Variants in NT5C2 observed in about 807,000 individuals in gnomAD.
NT5C2 encodes 5'-nucleotidase, cytosolic II.
In NT5C2, 58 loss-of-function variants were observed where a neutral mutation model predicts 76.1. That is an observed-to-expected ratio of 0.76 (90% confidence interval 0.62 to 0.95). NT5C2 has a LOEUF of 0.95. Ranked by LOEUF, NT5C2 falls within the 40% of genes least tolerant of loss-of-function variation. The pLI is 0.00. For missense variants in NT5C2, 478 were observed against 690.3 expected (o/e 0.69, Z 3.45); for synonymous variants, 229 against 237.4 (o/e 0.96, Z 0.32).
At chr10:103,096,131 G>A in intron 11 of NT5C2, 151 bp from the exon 12 acceptor site, 3 of 621,016 alleles carry the variant, frequency 4.8e-6, no homozygotes, top group Non-Finnish European at 8.5e-6. Context: ...AATCATGGCA[G>A]TGGAAGCCAG....
chr10:103,094,789 C>T (rs978448022), intron 12 of NT5C2, among the ~76,000 whole-genome samples: 1 of 150,036 alleles, frequency 6.7e-6, no homozygotes, highest in Admixed American at 6.7e-5. Flanking sequence ...GGCTGAGGCT[C>T]GAGAATCGCT....
rs531291891 is a variant in NT5C2, at chr10:103,099,956, T to C, written c.603A>G (p.Val201=). The C allele has an allele frequency of 6.2e-7, 1 of 1,612,734 alleles. No individual in the cohort carries two copies. The highest frequency in any genetic ancestry group is 8.5e-7 in the Non-Finnish European group (1 of 1,178,896). ...FMSYRSMFQD[V]RDAVDWVHYK... is the part of the protein sequence containing the mutation. ...AATGAACCCAGTCAACAGCATCTCT[T>C]ACATCCTGGAACATACTCCGGTAGG... Residue 201 remains valine, a synonymous_variant, in exon 9 of 19, where the codon GTA becomes GTG. Transcript: ENST00000404739.
chr10:103,182,082 C>T (rs933130258), intron 1 of NT5C2, among the ~76,000 whole-genome samples: 5 of 151,866 alleles, frequency 3.3e-5, no homozygotes, highest in African/African-American at 4.8e-5. Context: ...CAAAATGCCA[C>T]GCTGCTAGAG....
At chr10:103,137,584 C>G (rs1309691020) in intron 4 of NT5C2, among the ~76,000 whole-genome samples, 1 of 152,132 alleles carries the variant, frequency 6.6e-6, no homozygotes, top group Non-Finnish European at 1.5e-5. Flanking sequence ...CAAATTAATA[C>G]TGTTATATTA....
At chr10:103,151,255 G>A (rs557348308) in intron 3 of NT5C2, among the ~76,000 whole-genome samples, 18 of 152,000 alleles carry the variant, frequency 1.2e-4, no homozygotes, top group South Asian at 8.3e-4. Flanking sequence ...ATCTGAGGTC[G>A]GGAGTTCGAG....
At chr10:103,167,851 G>A (rs2086804518) in intron 3 of NT5C2, among the ~76,000 whole-genome samples, 1 of 152,006 alleles carries the variant, frequency 6.6e-6, no homozygotes, top group African/African-American at 2.4e-5. Context: ...GGCTGGTCTT[G>A]AACTCCTGTG....
At chr10:103,186,307 C>T (rs2135422952) in intron 1 of NT5C2, among the ~76,000 whole-genome samples, 1 of 152,332 alleles carries the variant, frequency 6.6e-6, no homozygotes, top group African/African-American at 2.4e-5. Context: ...TCAATATAAA[C>T]TGTTTATAAT....
chr10:103,170,333 T>G (rs980986289), intron 3 of NT5C2, among the ~76,000 whole-genome samples: 2 of 151,962 alleles, frequency 1.3e-5, no homozygotes, highest in Non-Finnish European at 2.9e-5. Flanking sequence ...GATAAAAAAT[T>G]TTTTTCAATG....
In NT5C2 at chr10:103,088,489, A is replaced by G. The variant is rs2065973393; in HGVS notation, c.*1183T>C. On this transcript the variant is annotated 3_prime_UTR_variant, in exon 19 of 19. Transcript: ENST00000404739. ...AACCTCCGCCTCCTGGGTTCAAGCA[A>G]TTCTCCTGCCTCAGCCTCCTGAGTA... 1 of 152,292 alleles carries G rather than the reference A, an allele frequency of 6.6e-6. No individual in the cohort carries two copies. The highest frequency in any genetic ancestry group is 1.9e-4 in the East Asian group (1 of 5,216). The allele number at this position is 152,292 out of a possible 1,614,324, so 9.4% of individuals were successfully genotyped here. A position where few individuals can be genotyped will look rare whatever the true frequency, so the allele number is the denominator to read the frequency against.
At position 103,143,602 on chromosome 10, in the gene NT5C2, ATTTTTTTTTTTTT is replaced by A. The variant is rs67395221; in HGVS notation, c.102-4136_102-4124del. ...CAGGTACGCACCACCATGTCCAGCTATTTTTTTTTTTTTTTTTTTTTTTTTTTTTTGTAGAGAT... is the reference window on the plus strand; with the variant it reads ...CAGGTACGCACCACCATGTCCAGCTATTTTTTTTTTTTTTTTTGTAGAGAT... On this transcript the variant is annotated intron_variant, in intron 3 of 18. Transcript: ENST00000404739. Among the ~76,000 whole-genome samples, 182 of 53,894 alleles carry A rather than the reference ATTTTTTTTTTTTT, an allele frequency of 3.4e-3. 1 individual carries two copies. In the Middle Eastern group the frequency reaches 0.076, roughly 22 times the overall value. 35.4% of individuals were successfully genotyped at this position (53,894 alleles called of 152,430 possible).
chr10:103,126,051 A>G (rs2076580245), intron 4 of NT5C2, among the ~76,000 whole-genome samples: 1 of 152,212 alleles, frequency 6.6e-6, no homozygotes, highest in Admixed American at 6.5e-5. Context: ...AAAAGGCTAA[A>G]AAAGACTGTG....
At chr10:103,155,848 A>C (rs2083261950) in intron 3 of NT5C2, among the ~76,000 whole-genome samples, 1 of 152,192 alleles carries the variant, frequency 6.6e-6, no homozygotes, top group Admixed American at 6.5e-5. Flanking sequence ...AAAGGATCTA[A>C]GCAGGATTAT....
intron 3 of NT5C2, among the ~76,000 whole-genome samples, chr10:103,164,282 G>A (rs149555487): frequency 0.023 from 3,438 of 151,814 alleles, 82 homozygotes; most frequent in South Asian, 0.12. Context: ...ATTTTGAGAC[G>A]GAGTCTCACT....
intron 3 of NT5C2, among the ~76,000 whole-genome samples, chr10:103,146,916 G>C (rs1197118316): frequency 6.6e-6 from 1 of 152,164 alleles, no homozygotes; most frequent in Non-Finnish European, 1.5e-5. Flanking sequence ...GCTGGATTAT[G>C]AACATTTGTT....
At chr10:103,130,574 A>T (rs1213242658) in intron 4 of NT5C2, among the ~76,000 whole-genome samples, 1 of 94,016 alleles carries the variant, frequency 1.1e-5, no homozygotes, top group East Asian at 3.1e-4. Flanking sequence ...TTAAAAAAAA[A>T]ATAAAAATTA....
intron 4 of NT5C2, among the ~76,000 whole-genome samples, chr10:103,118,695 G>A (rs1362128886): frequency 6.6e-6 from 1 of 151,314 alleles, no homozygotes; most frequent in African/African-American, 2.4e-5. Flanking sequence ...TCTCCTTTAG[G>A]GGTTGAGTCC....
In NT5C2 at chr10:103,183,248, A is replaced by G. The variant is rs555937452; in HGVS notation, c.-168-1920T>C. ...AAAACACATGAAAGGAGATATATAT[A>G]TATGTGTGTGTGTGATATATATATA... On this transcript the variant is annotated intron_variant, in intron 1 of 18. Coordinates refer to ENST00000404739, the MANE Select transcript of NT5C2 (RefSeq NM_001351169.2). Among the ~76,000 whole-genome samples the G allele has an allele frequency of 2.2e-3, 235 of 107,432 alleles. 3 individuals are homozygous for G. The highest frequency in any genetic ancestry group is 8.2e-3 in the African/African-American group (221 of 26,878). The allele number at this position is 107,432 out of a possible 152,430, so 70.5% of individuals were successfully genotyped here.
chr10:103,095,860 C>T lies in NT5C2; in HGVS notation c.813+79G>A, dbSNP rs568624203. On this transcript the variant is annotated intron_variant, in intron 12 of 18. Coordinates refer to ENST00000404739, the MANE Select transcript of NT5C2 (RefSeq NM_001351169.2). ...TTTTCTGGGTGGGTTCTGACCAATT[C>T]TTTCCCCCTTAATATTCCAGAATGA... is the stretch of plus-strand genomic sequence containing the variant. 617 of 1,341,042 alleles carry T rather than the reference C, an allele frequency of 4.6e-4. 4 individuals carry two copies. The African/African-American group carries it at 7.9e-3, about 17-fold the overall frequency. 83.1% of individuals were successfully genotyped at this position (1,341,042 alleles called of 1,614,324 possible).
intron 3 of NT5C2, among the ~76,000 whole-genome samples, chr10:103,155,666 G>A (rs1393709661): frequency 1.3e-5 from 2 of 152,154 alleles, no homozygotes; most frequent in Non-Finnish European, 2.9e-5. Context: ...TCCAGCCTAG[G>A]TGACAGAGCA....
Sources: gnomAD v4.1 joint callset for allele counts (sites outside exome capture counted in the v4.1 genomes callset) on GRCh38, gnomAD v4.1.1 for gene constraint, MANE v1.5 for transcripts, NCBI Gene and HGNC (gene_info 2026-07-23, HGNC 2026-07-21) for gene names.